CNKSR3: variants seen among roughly 807,000 people sequenced by gnomAD.
CNKSR3 encodes the protein CNKSR family member 3.
In CNKSR3, 36 loss-of-function variants were observed where a neutral mutation model predicts 67.7. The ratio of observed to expected loss-of-function variants is 0.53; its 90% CI spans 0.41 to 0.70. The LOEUF (loss-of-function observed/expected upper bound fraction) is 0.70. Ranked by LOEUF, CNKSR3 falls within the 30% of genes least tolerant of loss-of-function variation. The pLI is 0.00. For synonymous variants in CNKSR3, 281 were observed against 271.4 expected (o/e 1.04, Z -0.35); for missense variants, 630 against 695.2 (o/e 0.91, Z 1.05).
chr6:154,496,158 A>G (rs1411178330), intron 1 of CNKSR3, among the ~76,000 whole-genome samples: 1 of 152,194 alleles, frequency 6.6e-6, no homozygotes, highest in Non-Finnish European at 1.5e-5. Flanking sequence ...TCTGATGTCC[A>G]CTAACAGCTA....
At chr6:154,463,228 C>G (rs1339519182) in intron 1 of CNKSR3, among the ~76,000 whole-genome samples, 4 of 152,048 alleles carry the variant, frequency 2.6e-5, no homozygotes, top group South Asian at 2.1e-4. Flanking sequence ...CACCACCACG[C>G]CCGGCTAATT....
rs965548170 is a variant in CNKSR3, at chr6:154,395,574, C to T, written c.*10780G>A. 2.0e-5 allele frequency: 3 copies of T among 152,154 alleles called. No individual in the cohort carries two copies. The highest frequency in any genetic ancestry group is 4.4e-5 in the Non-Finnish European group (3 of 68,012). 9.4% of individuals were successfully genotyped at this position (152,154 alleles called of 1,614,324 possible). On this transcript the variant is annotated 3_prime_UTR_variant, in exon 13 of 13. Coordinates refer to ENST00000607772, the MANE Select transcript of CNKSR3 (RefSeq NM_173515.4). ...GCCCTATGTAGCAATATGCAAAGGA[C>T]ATTACTTGAAAACTCAACTTTCTTG...
rs956236105 is a variant in CNKSR3 at position 154,403,104 on chromosome 6, T to C, written c.*3250A>G. The C allele has an allele frequency of 1.3e-5, 2 of 152,124 alleles. No homozygotes were observed. The highest frequency in any genetic ancestry group is 2.9e-5 in the Non-Finnish European group (2 of 68,020). 9.4% of individuals were successfully genotyped at this position (152,124 alleles called of 1,614,324 possible). On this transcript the variant is annotated 3_prime_UTR_variant, in exon 13 of 13. Transcript: ENST00000607772. ...ATCATCCATGATTTTCATTTGAAGA[T>C]TGAAAAGTGATGCTATAAAATATTA...
At chr6:154,466,371 C>A (rs1032804062) in intron 1 of CNKSR3, among the ~76,000 whole-genome samples, 1 of 152,134 alleles carries the variant, frequency 6.6e-6, no homozygotes, top group African/African-American at 2.4e-5. Context: ...ACCACAAAAA[C>A]AAAAACAAAG....
At chr6:154,429,231 C>T (rs1374755296) in intron 6 of CNKSR3, among the ~76,000 whole-genome samples, 1 of 152,186 alleles carries the variant, frequency 6.6e-6, no homozygotes, top group Non-Finnish European at 1.5e-5. Context: ...GGTATCTATG[C>T]TGTAATAATG....
intron 1 of CNKSR3, among the ~76,000 whole-genome samples, chr6:154,475,482 A>C (rs1016896599): frequency 1.3e-5 from 2 of 151,918 alleles, no homozygotes; most frequent in African/African-American, 4.8e-5. Flanking sequence ...TGTCCTCCCT[A>C]CCCACCGGCA....
chr6:154,430,393 C>A, intron 6 of CNKSR3, 79 bp downstream of exon 6: 1 of 1,316,328 alleles, frequency 7.6e-7, no homozygotes, highest in Non-Finnish European at 1.0e-6. Context: ...ATAGTGAAAG[C>A]AATAAGGAAT....
intron 1 of CNKSR3, among the ~76,000 whole-genome samples, chr6:154,459,977 G>A (rs949727553): frequency 6.6e-6 from 1 of 152,182 alleles, no homozygotes; most frequent in East Asian, 1.9e-4. Context: ...CCAAGCCTAC[G>A]CTGCCTCAAC....
chr6:154,400,773 C>G lies in CNKSR3; in HGVS notation c.*5581G>C, dbSNP rs908161714. The G allele has an allele frequency of 6.6e-6, 1 of 152,146 alleles. No individual in the cohort carries two copies. Among genetic ancestry groups the G allele is most frequent in the African/African-American group, 2.4e-5 (1 of 41,436 alleles). The allele number at this position is 152,146 out of a possible 1,614,324, so 9.4% of individuals were successfully genotyped here. On this transcript the variant is annotated 3_prime_UTR_variant, in exon 13 of 13. Coordinates refer to ENST00000607772, the MANE Select transcript of CNKSR3 (RefSeq NM_173515.4). ...TTTTCCTTTACTTATGTAAAAGGTA[C>G]CCTTTGTCAAATTAGCACACTTCTG...
intron 4 of CNKSR3, among the ~76,000 whole-genome samples, chr6:154,440,478 A>G (rs1230796818): frequency 6.6e-6 from 1 of 152,252 alleles, no homozygotes; most frequent in East Asian, 1.9e-4. Flanking sequence ...GACAGAAGGT[A>G]GTCCTAAGAG....
At chr6:154,413,976 T>C (rs1784961639) in intron 10 of CNKSR3, among the ~76,000 whole-genome samples, 2 of 152,086 alleles carry the variant, frequency 1.3e-5, no homozygotes, top group Non-Finnish European at 2.9e-5. Flanking sequence ...CTTGAACTCC[T>C]GAGCTCAAGT....
chr6:154,495,356 C>CTTTTT (rs149762490), intron 1 of CNKSR3, among the ~76,000 whole-genome samples: 10 of 129,624 alleles, frequency 7.7e-5, no homozygotes, highest in South Asian at 5.0e-4. Flanking sequence ...GAATTCAACA[C>CTTTTT]TTTTTTTTTT....
chr6:154,493,808 C>T (rs2351131), intron 1 of CNKSR3, among the ~76,000 whole-genome samples: 55,712 of 151,728 alleles, frequency 0.37, 10,279 homozygotes, highest in African/African-American at 0.42. Context: ...AATCAGATCT[C>T]TTGAGAACTC....
At chr6:154,422,213 C>G (rs1038094408) in intron 9 of CNKSR3, among the ~76,000 whole-genome samples, 5 of 151,848 alleles carry the variant, frequency 3.3e-5, no homozygotes, top group Non-Finnish European at 7.4e-5. Flanking sequence ...AGGATGGTCT[C>G]GATCTCCTGA....
chr6:154,410,974 G>C lies in CNKSR3; in HGVS notation c.1239C>G (p.Asn413Lys), dbSNP rs1784897651. 6.2e-7 allele frequency: 1 copy of C among 1,613,580 alleles called. No homozygotes were observed. Among genetic ancestry groups the C allele is most frequent in the South Asian group, 1.1e-5 (1 of 90,984 alleles). ...TCTCTCTCATTTTTGTGGGCAGAAT[G>C]TTGGTTTCCACCGAGTACCCAGGCA... ...DQLPGYSVET[N>K]ILPTKMREKT... Residue 413 changes from asparagine (N) to lysine (K), a missense_variant, in exon 11 of 13, where the codon AAC (asparagine) becomes AAG (lysine). Physicochemically the swap from Asn to Lys is moderately conservative, Grantham distance 94. Transcript: ENST00000607772.
chr6:154,389,442 C>G lies in CNKSR3; in HGVS notation c.*16912G>C, dbSNP rs1014207473. 4 of 152,196 alleles carry G rather than the reference C, an allele frequency of 2.6e-5. No individual in the cohort carries two copies. Among genetic ancestry groups the G allele is most frequent in the Non-Finnish European group, 4.4e-5 (3 of 68,038 alleles). 9.4% of individuals were successfully genotyped at this position (152,196 alleles called of 1,614,324 possible). A position where few individuals can be genotyped will look rare whatever the true frequency, so the allele number is the denominator to read the frequency against. ...TCTGGACTCTCTATTCTGTTCCATT[C>G]ACATATATGTCTATCTGTTGGCCAG... is the stretch of plus-strand genomic sequence containing the variant. On this transcript the variant is annotated 3_prime_UTR_variant, in exon 13 of 13. Coordinates refer to ENST00000607772, the MANE Select transcript of CNKSR3 (RefSeq NM_173515.4).
chr6:154,430,677 C>G (rs1785347611), intron 5 of CNKSR3, 86 bp from the exon 6 acceptor site: 2 of 1,309,780 alleles, frequency 1.5e-6, no homozygotes. Flanking sequence ...TGCATTTCAC[C>G]TATAATTGTT....
intron 1 of CNKSR3, 54 bp from the exon 2 acceptor site, chr6:154,450,312 C>A (rs1248204527): frequency 1.3e-6 from 2 of 1,559,460 alleles, no homozygotes; most frequent in South Asian, 1.2e-5. Context: ...TTTACCCACC[C>A]CCTGCAAACT....
intron 12 of CNKSR3, among the ~76,000 whole-genome samples, chr6:154,409,583 T>A (rs1382831618): frequency 1.3e-5 from 2 of 152,144 alleles, no homozygotes; most frequent in Non-Finnish European, 2.9e-5. Flanking sequence ...CTGGGCATGG[T>A]GGCACACGTC....
Sources: allele counts gnomAD v4.1 joint callset (sites outside exome capture counted in the v4.1 genomes callset), GRCh38; gene constraint gnomAD v4.1.1; transcripts MANE v1.5; gene names NCBI Gene and HGNC (gene_info 2026-07-23, HGNC 2026-07-21).